The following DLG2 variants were observed in gnomAD, a reference collection of about 807,000 sequenced individuals.
DLG2 encodes discs large MAGUK scaffold protein 2.
DLG2 carries 45 observed loss-of-function variants against 132.5 expected under a neutral mutation model. The observed-to-expected ratio is 0.34, with a 90% CI of 0.27 to 0.44. The LOEUF (loss-of-function observed/expected upper bound fraction) is 0.44. Among genes scored for constraint, DLG2 ranks in the 20% least tolerant of loss-of-function variants. DLG2 has a pLI of 1.00. For synonymous variants in DLG2, 424 were observed against 419.6 expected, an observed-to-expected ratio of 1.01 and a Z score of -0.13; for missense variants, 1,045 against 1,196.9, an observed-to-expected ratio of 0.87 and a Z score of 1.87.
At chr11:84,763,839 GA>G (rs1365468197) in intron 6 of DLG2, among the ~76,000 whole-genome samples, 1 of 152,140 alleles carries the variant, frequency 6.6e-6, no homozygotes, top group Non-Finnish European at 1.5e-5. Context: ...TATTGTGTGA[GA>G]TATATACCTC....
chr11:84,338,451 T>A (rs2098498211), intron 7 of DLG2, among the ~76,000 whole-genome samples: 1 of 152,188 alleles, frequency 6.6e-6, no homozygotes, highest in Non-Finnish European at 1.5e-5. Flanking sequence ...TCCAAATAGT[T>A]TAAAATTGTC....
At chr11:84,762,823 G>A (rs1310709636) in intron 6 of DLG2, among the ~76,000 whole-genome samples, 1 of 152,178 alleles carries the variant, frequency 6.6e-6, no homozygotes, top group Non-Finnish European at 1.5e-5. Flanking sequence ...CTAAGAGTAA[G>A]TGAGTAATTT....
chr11:83,725,859 C>G (rs1339168691), intron 18 of DLG2, among the ~76,000 whole-genome samples: 1 of 151,648 alleles, frequency 6.6e-6, no homozygotes, highest in Non-Finnish European at 1.5e-5. Flanking sequence ...TTTTCACTTT[C>G]CCTCTCAATA....
intron 22 of DLG2, among the ~76,000 whole-genome samples, chr11:83,475,402 T>TC (rs2092509044): frequency 6.6e-6 from 1 of 152,052 alleles, no homozygotes; most frequent in African/African-American, 2.4e-5. Context: ...ACTCTGATGA[T>TC]CCCCATTTTA....
intron 6 of DLG2, among the ~76,000 whole-genome samples, chr11:84,685,305 A>G (rs988449357): frequency 9.9e-5 from 15 of 152,230 alleles, no homozygotes; most frequent in African/African-American, 3.6e-4. Flanking sequence ...CACACAGGAA[A>G]TAGTCAACAA....
intron 21 of DLG2, among the ~76,000 whole-genome samples, chr11:83,509,734 T>G (rs1199452619): frequency 6.6e-6 from 1 of 151,996 alleles, no homozygotes; most frequent in Non-Finnish European, 1.5e-5. Flanking sequence ...TTGGAACAGT[T>G]TCTACTTTTG....
chr11:84,568,996 G>A (rs918285539), intron 6 of DLG2, among the ~76,000 whole-genome samples: 1 of 152,096 alleles, frequency 6.6e-6, no homozygotes, highest in Non-Finnish European at 1.5e-5. Flanking sequence ...ATCACAAAGA[G>A]CAAAATTGCC....
intron 6 of DLG2, among the ~76,000 whole-genome samples, chr11:84,928,550 A>G (rs2154089721): frequency 6.6e-6 from 1 of 152,030 alleles, no homozygotes; most frequent in East Asian, 1.9e-4. Context: ...AAAAGGTGCT[A>G]TCATTCCTTT....
At chr11:85,125,644 C>CA (rs2075002790) in intron 5 of DLG2, among the ~76,000 whole-genome samples, 1 of 152,024 alleles carries the variant, frequency 6.6e-6, no homozygotes. Flanking sequence ...TGAATGGGAA[C>CA]ATGGATATTA....
At chr11:84,756,035 G>A (rs930020971) in intron 6 of DLG2, among the ~76,000 whole-genome samples, 2 of 152,124 alleles carry the variant, frequency 1.3e-5, no homozygotes, top group African/African-American at 4.8e-5. Flanking sequence ...GAAACATGGT[G>A]GTCAAGGTAT....
intron 7 of DLG2, among the ~76,000 whole-genome samples, chr11:84,355,000 C>T (rs1466125764): frequency 6.6e-6 from 1 of 152,110 alleles, no homozygotes; most frequent in African/African-American, 2.4e-5. Context: ...GCAAGCATGA[C>T]TTCTCTCCTG....
chr11:85,117,887 C>T (rs992673217), intron 5 of DLG2, among the ~76,000 whole-genome samples: 1 of 151,904 alleles, frequency 6.6e-6, no homozygotes, highest in South Asian at 2.1e-4. Context: ...TATGAGAATA[C>T]CCGTTTTCAT....
intron 3 of DLG2, among the ~76,000 whole-genome samples, chr11:85,521,902 C>A (rs2074342175): frequency 6.6e-6 from 1 of 151,736 alleles, no homozygotes; most frequent in Non-Finnish European, 1.5e-5. Context: ...GGAAGCAGAA[C>A]ATAAAAGTTT....
chr11:85,354,329 C>T (rs2083525704), intron 3 of DLG2, among the ~76,000 whole-genome samples: 1 of 152,136 alleles, frequency 6.6e-6, no homozygotes, highest in East Asian at 1.9e-4. Flanking sequence ...ACCAACCACA[C>T]TCATCAGATA....
chr11:83,598,512 T>C (rs957733804), intron 19 of DLG2, among the ~76,000 whole-genome samples: 3 of 152,200 alleles, frequency 2.0e-5, no homozygotes, highest in African/African-American at 7.2e-5. Context: ...CGTGTGATCT[T>C]CAAACATTGA....
chr11:84,308,998 G>A (rs936849883), intron 7 of DLG2, among the ~76,000 whole-genome samples: 1 of 152,220 alleles, frequency 6.6e-6, no homozygotes, highest in Non-Finnish European at 1.5e-5. Context: ...TGCAGCGGCG[G>A]GCTGAAGGGC....
intron 6 of DLG2, among the ~76,000 whole-genome samples, chr11:85,067,717 G>A: frequency 6.6e-6 from 1 of 151,830 alleles, no homozygotes; most frequent in Non-Finnish European, 1.5e-5. Context: ...ACAAGGAGGA[G>A]CTGGTACAAG....
rs565353344 is a variant in DLG2, at chr11:85,213,854, G to T, written c.187-59203C>A. On this transcript the variant is annotated intron_variant, in intron 4 of 27. Transcript: ENST00000376104. Reference sequence around the variant, plus strand: ...TGTATTGGTTTACAATGCACTAAGAGGACTTTAGGGTCCTGCCTTAAGAGG... The same window carrying T: ...TGTATTGGTTTACAATGCACTAAGATGACTTTAGGGTCCTGCCTTAAGAGG... Among the ~76,000 whole-genome samples the T allele has an allele frequency of 7.0e-4, 106 of 152,236 alleles. 1 individual carries two copies. Among genetic ancestry groups the T allele is most frequent in the African/African-American group, 2.5e-3 (102 of 41,552 alleles).
chr11:83,595,340 C>T (rs1298423779), intron 19 of DLG2, among the ~76,000 whole-genome samples: 1 of 152,180 alleles, frequency 6.6e-6, no homozygotes, highest in Non-Finnish European at 1.5e-5. Flanking sequence ...GGACTATTAT[C>T]ATTTGCATTT....
Sources: gnomAD v4.1 joint callset for allele counts (sites outside exome capture counted in the v4.1 genomes callset) on GRCh38, gnomAD v4.1.1 for gene constraint, MANE v1.5 for transcripts, NCBI Gene and HGNC (gene_info 2026-07-23, HGNC 2026-07-21) for gene names.